Variants in PDE1A observed in about 807,000 individuals in gnomAD.
PDE1A encodes dual specificity calcium/calmodulin-dependent 3',5'-cyclic nucleotide phosphodiesterase 1A.
In PDE1A, 35 loss-of-function variants were observed where a neutral mutation model predicts 61.7. The ratio of observed to expected loss-of-function variants is 0.57; its 90% CI spans 0.43 to 0.75. The LOEUF is 0.75. Ranked by LOEUF, PDE1A falls within the 30% of genes least tolerant of loss-of-function variation. The pLI is 0.00. For missense variants in PDE1A, 597 were observed against 630.6 expected, an observed-to-expected ratio of 0.95 and a Z score of 0.57; for synonymous variants, 232 against 213.2, an observed-to-expected ratio of 1.09 and a Z score of -0.77.
At chr2:182,357,867 A>C (rs529587226) in intron 1 of PDE1A, among the ~76,000 whole-genome samples, 2 of 152,230 alleles carry the variant, frequency 1.3e-5, no homozygotes, top group Non-Finnish European at 2.9e-5. Flanking sequence ...TCAAAGAAAT[A>C]AATGGACTTT....
intron 1 of PDE1A, among the ~76,000 whole-genome samples, chr2:182,293,738 C>A (rs1353146524): frequency 6.6e-6 from 1 of 152,128 alleles, no homozygotes; most frequent in Non-Finnish European, 1.5e-5. Flanking sequence ...AACAATATAA[C>A]TGTAAGAGGA....
At chr2:182,531,300 G>A in the PDE1A span, among the ~76,000 whole-genome samples, 1 of 150,778 alleles carries the variant, frequency 6.6e-6, no homozygotes, top group Non-Finnish European at 1.5e-5. Context: ...TACATTAAAT[G>A]TAAATGATCT....
chr2:182,569,246 CT>C, the PDE1A span, among the ~76,000 whole-genome samples: 1 of 103,622 alleles, frequency 9.7e-6, no homozygotes, highest in Non-Finnish European at 1.9e-5. Context: ...GAGTGATAAC[CT>C]GTCTCAAATA....
chr2:182,479,693 C>CAT (rs529694672), intron 2 of PDE1A, among the ~76,000 whole-genome samples: 18 of 151,802 alleles, frequency 1.2e-4, no homozygotes, highest in Non-Finnish European at 2.2e-4. Context: ...CAGTCTTTAT[C>CAT]ATATTCTGCC....
chr2:182,498,096 T>C (rs1688834465), intron 2 of PDE1A, among the ~76,000 whole-genome samples: 1 of 147,684 alleles, frequency 6.8e-6, no homozygotes, highest in Non-Finnish European at 1.5e-5. Context: ...CACACTGTTA[T>C]GAAGCCCACT....
At chr2:182,404,323 G>T (rs188698203) in intron 1 of PDE1A, among the ~76,000 whole-genome samples, 1 of 152,136 alleles carries the variant, frequency 6.6e-6, no homozygotes, top group Non-Finnish European at 1.5e-5. Flanking sequence ...CTCATTCTTT[G>T]GCTCTCAAAA....
the PDE1A span, among the ~76,000 whole-genome samples, chr2:182,665,576 G>A: frequency 6.6e-6 from 1 of 152,146 alleles, no homozygotes; most frequent in East Asian, 1.9e-4. Context: ...ACAGATGCTT[G>A]TGAGGCTGTG....
rs370886925 is a variant in PDE1A, at chr2:182,287,024, T to C, written c.54-22610A>G. On this transcript the variant is annotated intron_variant, in intron 1 of 13. Coordinates refer to ENST00000351439, the Ensembl canonical transcript of PDE1A. ...GGGCATTGACTAAAACCCAAACTCC[T>C]TACCTTGACTTCATAATCTTGCCCC... Among the ~76,000 whole-genome samples, 9 of 152,250 alleles carry C rather than the reference T, an allele frequency of 5.9e-5. No homozygotes were observed. The East Asian group carries it at 1.4e-3, about 23-fold the overall frequency.
At chr2:182,527,321 A>AT (rs1690788709), upstream of PDE1A, among the ~76,000 whole-genome samples, 14 of 45,088 alleles carry the variant, frequency 3.1e-4, 1 homozygote, top group African/African-American at 1.3e-3. Context: ...AAAAAAAAAA[A>AT]AAAAAAATAT....
At chr2:182,261,368 A>G (rs1692206749) in intron 2 of PDE1A, among the ~76,000 whole-genome samples, 3 of 152,218 alleles carry the variant, frequency 2.0e-5, no homozygotes, top group South Asian at 4.1e-4. Flanking sequence ...CCTGCCAATC[A>G]CATAGGATTG....
intron 2 of PDE1A, among the ~76,000 whole-genome samples, chr2:182,517,685 C>A (rs542207744): frequency 6.6e-6 from 1 of 152,234 alleles, no homozygotes; most frequent in South Asian, 2.1e-4. Flanking sequence ...ATTTCCTTTG[C>A]AAGTGAAATT....
rs145633867 is a variant in PDE1A at position 182,467,037 on chromosome 2, G to C, written c.101+55239C>G. ...AAGGCAGCTAGAGATTAAAGTGTAT[G>C]CATAGCTTATATCTTGGGAAGGAGA... On this transcript the variant is annotated intron_variant, in intron 2 of 14. Coordinates refer to the PDE1A transcript ENST00000410103. Among the ~76,000 whole-genome samples the C allele has an allele frequency of 3.7e-3, 565 of 151,770 alleles. 1 individual carries two copies. Among genetic ancestry groups the C allele is most frequent in the African/African-American group, 0.013 (534 of 41,438 alleles).
the PDE1A span, among the ~76,000 whole-genome samples, chr2:182,561,640 C>T: frequency 6.6e-6 from 1 of 152,100 alleles, no homozygotes; most frequent in Non-Finnish European, 1.5e-5. Context: ...TATAAATTAC[C>T]TTGGGCAGTA....
At chr2:182,566,035 G>A in the PDE1A span, among the ~76,000 whole-genome samples, 1 of 152,144 alleles carries the variant, frequency 6.6e-6, no homozygotes, top group South Asian at 2.1e-4. Flanking sequence ...GGGAGTCTCA[G>A]AGCTCAGTGA....
At chr2:182,610,087 C>A in the PDE1A span, among the ~76,000 whole-genome samples, 113 of 127,222 alleles carry the variant, frequency 8.9e-4, no homozygotes, top group Admixed American at 1.1e-3. Context: ...GACTCTATCT[C>A]AAAAAAAAAA....
chr2:182,349,475 G>A (rs1363177085), intron 1 of PDE1A, among the ~76,000 whole-genome samples: 1 of 152,112 alleles, frequency 6.6e-6, no homozygotes, highest in East Asian at 1.9e-4. Flanking sequence ...TATTTTTCTT[G>A]GTCAGAGACC....
At chr2:182,700,971 T>A in the PDE1A span, among the ~76,000 whole-genome samples, 1 of 151,808 alleles carries the variant, frequency 6.6e-6, no homozygotes, top group Non-Finnish European at 1.5e-5. Context: ...AGTTTTCATT[T>A]AAAAAAAATC....
upstream of PDE1A, among the ~76,000 whole-genome samples, chr2:182,428,310 G>C (rs1399047891): frequency 1.3e-5 from 2 of 152,032 alleles, no homozygotes; most frequent in Non-Finnish European, 2.9e-5. Context: ...GTACTATCAT[G>C]TTATTTCTAA....
intron 2 of PDE1A, among the ~76,000 whole-genome samples, chr2:182,477,763 A>G (rs183047691): frequency 6.6e-6 from 1 of 152,100 alleles, no homozygotes; most frequent in Admixed American, 6.6e-5. Flanking sequence ...AAGATTGCAT[A>G]GTTACGGTAA....
Sources: allele counts gnomAD v4.1 joint callset (sites outside exome capture counted in the v4.1 genomes callset), GRCh38; gene constraint gnomAD v4.1.1; transcripts MANE v1.5; gene names NCBI Gene and HGNC (gene_info 2026-07-23, HGNC 2026-07-21).